Variants in CYP27A1 observed in about 807,000 individuals in gnomAD.
CYP27A1 encodes sterol 26-hydroxylase, mitochondrial.
Under a neutral mutation model 58.2 loss-of-function variants are expected in CYP27A1, and 46 were observed. That is an observed-to-expected ratio of 0.79 (90% CI 0.62 to 1.01). The LOEUF (loss-of-function observed/expected upper bound fraction) is 1.01. Ranked by LOEUF, CYP27A1 falls within the 50% of genes least tolerant of loss-of-function variation. The probability of loss-of-function intolerance (pLI) is 0.00; values close to 1 mark genes in which losing one functional copy is unlikely to be tolerated. For missense variants in CYP27A1, 704 were observed against 687.0 expected (o/e 1.02, Z -0.28); for synonymous variants, 274 against 285.1 (o/e 0.96, Z 0.39).
At chr2:218,791,554 C>A (rs1430869827) in intron 1 of CYP27A1, among the ~76,000 whole-genome samples, 3 of 152,190 alleles carry the variant, frequency 2.0e-5, no homozygotes, top group Non-Finnish European at 4.4e-5. Context: ...AAAAAGTCTA[C>A]ATCAAGGATA....
intron 2 of CYP27A1, among the ~76,000 whole-genome samples, chr2:218,810,724 A>AT (rs1412022142): frequency 6.6e-6 from 1 of 152,206 alleles, no homozygotes; most frequent in Non-Finnish European, 1.5e-5. Flanking sequence ...GTCCCAACAA[A>AT]TAGGTCTATT....
At position 218,814,543 on chromosome 2, in the gene CYP27A1, A is replaced by G. The variant is rs1553616478; in HGVS notation, c.1264-2A>G. ...TTCATGCTGCCCAATCTTCCTTTAT[A>G]GACCCAGTTTGTGTTCTGCCACTAT... On this transcript the variant is annotated splice_acceptor_variant, in intron 7 of 8. Coordinates refer to ENST00000258415, the MANE Select transcript of CYP27A1 (RefSeq NM_000784.4). LOFTEE classifies it high-confidence loss of function. The G allele has an allele frequency of 6.2e-7, 1 of 1,614,164 alleles. No individual in the cohort carries two copies. The highest frequency in any genetic ancestry group is 8.5e-7 in the Non-Finnish European group (1 of 1,180,004).
At chr2:218,813,267 G>A (rs933375896) in intron 5 of CYP27A1, among the ~76,000 whole-genome samples, 171 bp downstream of exon 5, 1 of 152,226 alleles carries the variant, frequency 6.6e-6, no homozygotes, top group Admixed American at 6.5e-5. Flanking sequence ...CTTAGCCGAG[G>A]TGGGAGGACA....
Position 218,814,155 on chromosome 2 carries a change from G to A in CYP27A1, c.1152G>A (p.Pro384=), listed in dbSNP as rs373428306. 3.1e-5 allele frequency: 50 copies of A among 1,614,242 alleles called. No individual in the cohort carries two copies. The highest frequency in any genetic ancestry group is 8.0e-5 in the African/African-American group (6 of 75,064). The change falls in exon 6 of 9, where the codon CCG becomes CCA. Residue 384 remains proline, a synonymous_variant. Coordinates refer to ENST00000258415, the MANE Select transcript of CYP27A1 (RefSeq NM_000784.4). ...VPQHKDFAHM[P]LLKAVLKETL... ...AGCACAAGGACTTTGCCCACATGCC[G>A]TTGCTCAAAGCTGTGCTTAAGGAGA... is the stretch of plus-strand genomic sequence containing the variant.
chr2:218,806,951 ATTTTT>A (rs10647379), intron 1 of CYP27A1, among the ~76,000 whole-genome samples: 10 of 100,498 alleles, frequency 1.0e-4, no homozygotes, highest in South Asian at 6.5e-4. Context: ...CTCCTAGGGA[ATTTTT>A]TTTTTTTTTT....
At chr2:218,807,242 A>C (rs1559390678) in intron 1 of CYP27A1, among the ~76,000 whole-genome samples, 1 of 152,134 alleles carries the variant, frequency 6.6e-6, no homozygotes, top group Non-Finnish European at 1.5e-5. Context: ...TACAGGCGTG[A>C]GCCACTGTGC....
At chr2:218,805,099 G>A (rs1207497302) in intron 1 of CYP27A1, among the ~76,000 whole-genome samples, 2 of 152,188 alleles carry the variant, frequency 1.3e-5, no homozygotes, top group African/African-American at 2.4e-5. Flanking sequence ...GCAGCAACAC[G>A]GGGTTTAGGG....
chr2:218,809,528 G>T (rs1235305742), intron 1 of CYP27A1, 49 bp from the exon 2 acceptor site: 2 of 1,509,432 alleles, frequency 1.3e-6, no homozygotes. Flanking sequence ...TGTCCTGGGA[G>T]CACCTGCCCA....
chr2:218,782,374 A>G lies in CYP27A1; in HGVS notation c.192A>G (p.Gly64=), dbSNP rs1366418494. The stretch of plus-strand genomic sequence containing the variant: ...GCTTAGAGGAGATTCCACGTCTAGG[A>G]CAGCTGCGCTTCTTCTTTCAGCTGT... ...QRSLEEIPRL[G]QLRFFFQLFV... The change falls in exon 1 of 9, where the codon GGA becomes GGG. Residue 64 remains glycine (G), a synonymous_variant. Transcript: ENST00000258415. This position sits in a 1 kb window ranked among gnomAD's most constrained non-coding sequence, Gnocchi z 4.1. The G allele has an allele frequency of 1.2e-6, 2 of 1,614,092 alleles. No individual in the cohort carries two copies. The highest frequency in any genetic ancestry group is 1.1e-5 in the South Asian group (1 of 91,096).
At chr2:218,810,435 ATT>A (rs1039853760) in intron 2 of CYP27A1, among the ~76,000 whole-genome samples, 1 of 152,116 alleles carries the variant, frequency 6.6e-6, no homozygotes, top group Non-Finnish European at 1.5e-5. Flanking sequence ...ATCTATTTAC[ATT>A]TTTTTCTCTA....
intron 1 of CYP27A1, among the ~76,000 whole-genome samples, chr2:218,788,594 C>G (rs1943461329): frequency 6.6e-6 from 1 of 152,096 alleles, no homozygotes; most frequent in South Asian, 2.1e-4. Flanking sequence ...TTGGAAGGAC[C>G]CAGAACTAAA....
At chr2:218,790,796 C>T (rs1003738001) in intron 1 of CYP27A1, among the ~76,000 whole-genome samples, 4 of 151,862 alleles carry the variant, frequency 2.6e-5, no homozygotes, top group Non-Finnish European at 4.4e-5. Context: ...CTCCCGGGTT[C>T]ACGCCATTCT....
At chr2:218,805,560 A>C (rs1309014179) in intron 1 of CYP27A1, among the ~76,000 whole-genome samples, 1 of 152,030 alleles carries the variant, frequency 6.6e-6, no homozygotes, top group Non-Finnish European at 1.5e-5. Flanking sequence ...TAGGATAAGA[A>C]CTCCTTAAGA....
At chr2:218,809,451 T>TAC in intron 1 of CYP27A1, 126 bp from the exon 2 acceptor site, 15 of 466,550 alleles carry the variant, frequency 3.2e-5, no homozygotes, top group African/African-American at 2.4e-4. Context: ...CCTTTTTTTT[T>TAC]TTTTTTTTTT....
chr2:218,805,883 T>C (rs1392133500), intron 1 of CYP27A1: 1 of 152,220 alleles, frequency 6.6e-6, no homozygotes, highest in Admixed American at 6.5e-5. Context: ...TAGATCCTTG[T>C]TAAGTTCCAC....
intron 1 of CYP27A1, among the ~76,000 whole-genome samples, chr2:218,799,880 G>A (rs1324540427): frequency 2.6e-5 from 4 of 151,850 alleles, no homozygotes; most frequent in African/African-American, 7.3e-5. Context: ...GAACAGGTTC[G>A]ACAACTGTGG....
chr2:218,797,248 C>A (rs1423595249), intron 1 of CYP27A1, among the ~76,000 whole-genome samples: 2 of 151,962 alleles, frequency 1.3e-5, no homozygotes, highest in African/African-American at 4.8e-5. Context: ...TACAGGCGCC[C>A]ACCACCACAC....
At chr2:218,783,950 G>T (rs1012286513) in intron 1 of CYP27A1, among the ~76,000 whole-genome samples, 3 of 152,300 alleles carry the variant, frequency 2.0e-5, no homozygotes, top group African/African-American at 7.2e-5. Flanking sequence ...CAAGCATGGG[G>T]TGAAGACGGC....
chr2:218,788,014 T>C (rs376826975), intron 1 of CYP27A1, among the ~76,000 whole-genome samples: 8 of 152,240 alleles, frequency 5.3e-5, no homozygotes, highest in Admixed American at 2.6e-4. Flanking sequence ...GTGTCAGGAA[T>C]GTGGGCAGGG....
Sources: gnomAD v4.1 joint callset for allele counts (sites outside exome capture counted in the v4.1 genomes callset) on GRCh38, gnomAD v4.1.1 for gene constraint, Gnocchi (gnomAD v3.1) non-coding constraint, MANE v1.5 for transcripts, NCBI Gene and HGNC (gene_info 2026-07-23, HGNC 2026-07-21) for gene names.